ATRN: variants seen among roughly 807,000 people sequenced by gnomAD.
ATRN encodes attractin-2.
A neutral mutation model predicts 178.7 loss-of-function variants in ATRN; 54 were observed. The ratio of observed to expected loss-of-function variants is 0.30; its 90% CI spans 0.24 to 0.38. The LOEUF is 0.38. Among genes scored for constraint, ATRN ranks in the 10% least tolerant of loss-of-function variants. ATRN has a pLI of 1.00. For missense variants in ATRN, 1,443 were observed against 1,815.1 expected (o/e 0.79, Z 3.73); for synonymous variants, 636 against 663.0 (o/e 0.96, Z 0.63).
chr20:3,486,119 T>C lies in ATRN; in HGVS notation c.410+14602T>C, dbSNP rs544625280. On this transcript the variant is annotated intron_variant, in intron 1 of 28. Coordinates refer to ENST00000262919, the MANE Select transcript of ATRN (RefSeq NM_139321.3). ...ATTACTGATGTTTCAAAGTCAGCTG[T>C]CAGTCTAATTCATTCATAGGTAATT... 5.3e-5 allele frequency among the ~76,000 whole-genome samples: 8 copies of C among 152,360 alleles called. No individual in the cohort carries two copies. In the South Asian group the frequency reaches 1.7e-3, roughly 32 times the overall value.
Position 3,549,190 on chromosome 20 carries a change from G to A in ATRN, c.964G>A (p.Val322Ile), listed in dbSNP as rs1248191032. The A allele has an allele frequency of 6.2e-7, 1 of 1,608,904 alleles. No homozygotes were observed. The highest frequency in any genetic ancestry group is 8.5e-7 in the Non-Finnish European group (1 of 1,178,372). ...ATTAGGTCCTGGATGTTCAGTTCCT[G>A]TACCAGCTAACCAGTCATTTTGGAC... ...DWQGPGCSVP[V>I]PANQSFWTRE... Residue 322 changes from valine (V) to isoleucine (I), a missense_variant, in exon 6 of 29, where the codon GTA becomes ATA. Val to Ile is a conservative substitution (Grantham distance 29). Coordinates refer to ENST00000262919, the MANE Select transcript of ATRN (RefSeq NM_139321.3).
intron 15 of ATRN, 74 bp downstream of exon 15, chr20:3,578,846 G>A: frequency 7.3e-7 from 1 of 1,369,272 alleles, no homozygotes; most frequent in African/African-American, 1.4e-5. Flanking sequence ...CAGCTTGCAT[G>A]TGGAAGGCTG....
At chr20:3,633,090 G>A (rs1045352437) in intron 25 of ATRN, among the ~76,000 whole-genome samples, 2 of 152,122 alleles carry the variant, frequency 1.3e-5, no homozygotes, top group African/African-American at 4.8e-5. Flanking sequence ...AGCTGAGATC[G>A]TGCCACTGCA....
intron 1 of ATRN, among the ~76,000 whole-genome samples, chr20:3,503,003 G>A (rs766208022): frequency 6.6e-6 from 1 of 152,092 alleles, no homozygotes; most frequent in Non-Finnish European, 1.5e-5. Flanking sequence ...GTGATACTGG[G>A]GAAGCTAGGA....
chr20:3,498,056 C>T (rs2084905940), intron 1 of ATRN, among the ~76,000 whole-genome samples: 1 of 152,190 alleles, frequency 6.6e-6, no homozygotes, highest in Admixed American at 6.5e-5. Flanking sequence ...ACAAACACCT[C>T]TACGCAAATA....
At chr20:3,497,296 G>A (rs2084893882) in intron 1 of ATRN, among the ~76,000 whole-genome samples, 1 of 151,440 alleles carries the variant, frequency 6.6e-6, no homozygotes, top group Non-Finnish European at 1.5e-5. Context: ...GCAGCGGCTG[G>A]TACCGGTTGT....
intron 1 of ATRN, among the ~76,000 whole-genome samples, chr20:3,486,079 T>C (rs1415217807): frequency 1.3e-5 from 2 of 152,254 alleles, no homozygotes; most frequent in Admixed American, 1.3e-4. Flanking sequence ...TTTTTTCCAA[T>C]GTCTTCTGAT....
At chr20:3,479,657 T>A (rs1268019406) in intron 1 of ATRN, among the ~76,000 whole-genome samples, 1 of 152,236 alleles carries the variant, frequency 6.6e-6, no homozygotes, top group Non-Finnish European at 1.5e-5. Flanking sequence ...CAGAAATTTA[T>A]TCTTTCATAG....
At position 3,493,084 on chromosome 20, in the gene ATRN, AATAT is replaced by A. The variant is rs201837906; in HGVS notation, c.410+21573_410+21576del. 3.2e-3 allele frequency among the ~76,000 whole-genome samples: 458 copies of A among 143,578 alleles called. 4 individuals carry two copies. Among genetic ancestry groups the A allele is most frequent in the African/African-American group, 0.011 (441 of 39,194 alleles). The allele number at this position is 143,578 out of a possible 152,430, so 94.2% of individuals were successfully genotyped here. A position where few individuals can be genotyped will look rare whatever the true frequency, so the allele number is the denominator to read the frequency against. The stretch of plus-strand genomic sequence containing the variant: ...ATAGATTATATATTATATATAATTT[AATAT>A]ATATAATATATATACATATGTAGGT... On this transcript the variant is annotated intron_variant, in intron 1 of 28. Transcript: ENST00000262919.
intron 1 of ATRN, among the ~76,000 whole-genome samples, chr20:3,474,697 A>G (rs1028526440): frequency 2.6e-5 from 4 of 151,122 alleles, no homozygotes; most frequent in Non-Finnish European, 5.9e-5. Context: ...ACAGAGCGAG[A>G]GTCCATCTCA....
At position 3,490,701 on chromosome 20, in the gene ATRN, A is replaced by C. The variant is rs567746992; in HGVS notation, c.410+19184A>C. On this transcript the variant is annotated intron_variant, in intron 1 of 28. Transcript: ENST00000262919. ...CAGGAGCTCCTCAAATTTCACTGAC[A>C]TTGGCACACAGATCTCATTTGGGTG... The C allele has an allele frequency of 1.2e-5, 10 of 802,186 alleles. No individual in the cohort carries two copies. The East Asian group carries it at 2.4e-4, about 19-fold the overall frequency. 49.7% of individuals were successfully genotyped at this position (802,186 alleles called of 1,614,324 possible).
rs373043009 is a variant in ATRN, at chr20:3,563,840, T to C, written c.1786+477T>C. Among the ~76,000 whole-genome samples the C allele has an allele frequency of 3.9e-5, 6 of 152,258 alleles. No individual in the cohort carries two copies. The East Asian group carries it at 9.6e-4, about 24-fold the overall frequency. On this transcript the variant is annotated intron_variant, in intron 10 of 28. Transcript: ENST00000262919. ...TTTCATAAAAATTGTCAGATGTTCA[T>C]TTTAAACAAATTATTATTTTTTTGA...
chr20:3,489,679 C>T, intron 1 of ATRN: 2 of 1,564,410 alleles, frequency 1.3e-6, no homozygotes, highest in Non-Finnish European at 1.8e-6. Flanking sequence ...ACAGCATCTT[C>T]AATCTGCGTC....
rs548015997 is a variant in ATRN at position 3,590,757 on chromosome 20, T to G, written c.3185-412T>G. 2.0e-5 allele frequency among the ~76,000 whole-genome samples: 3 copies of G among 152,326 alleles called. No individual in the cohort carries two copies. The South Asian group carries it at 6.2e-4, about 32-fold the overall frequency. ...AAGTTAAGAAAGGTGAATATTAATA[T>G]GAACATAATTGTGCAAATTATGTTC... On this transcript the variant is annotated intron_variant, in intron 18 of 28. Transcript: ENST00000262919.
At chr20:3,520,230 A>G (rs79534632) in intron 1 of ATRN, among the ~76,000 whole-genome samples, 6,060 of 152,232 alleles carry the variant, frequency 0.04, 158 homozygotes, top group Non-Finnish European at 0.057. Context: ...AAATGTGCCA[A>G]AGGTGTCATA....
intron 6 of ATRN, among the ~76,000 whole-genome samples, chr20:3,550,166 A>G (rs527873584): frequency 6.6e-6 from 1 of 152,308 alleles, no homozygotes; most frequent in Non-Finnish European, 1.5e-5. Context: ...CATCTCTACT[A>G]AAAATACAAA....
intron 24 of ATRN, among the ~76,000 whole-genome samples, chr20:3,621,959 T>A (rs2086900442): frequency 6.6e-6 from 1 of 152,232 alleles, no homozygotes; most frequent in South Asian, 2.1e-4. Flanking sequence ...TAAGTGCCAA[T>A]TAATGTATCA....
intron 18 of ATRN, among the ~76,000 whole-genome samples, chr20:3,585,990 C>T (rs561847638): frequency 6.6e-6 from 1 of 152,256 alleles, no homozygotes; most frequent in Admixed American, 6.5e-5. Flanking sequence ...TGCAGGTTGG[C>T]AGGTCCTCAA....
chr20:3,547,170 C>A lies in ATRN; in HGVS notation c.738-114C>A, dbSNP rs1365832754. 4.7e-6 allele frequency: 4 copies of A among 844,002 alleles called. No individual in the cohort carries two copies. The African/African-American group carries it at 5.0e-5, about 11-fold the overall frequency. 52.3% of individuals were successfully genotyped at this position (844,002 alleles called of 1,614,324 possible). A position where few individuals can be genotyped will look rare whatever the true frequency, so the allele number is the denominator to read the frequency against. ...ACTGAATCCTTAAGTACTGCAGTTA[C>A]ACTTGTGAATGAACTGAGACAGTGA... On this transcript the variant is annotated intron_variant, in intron 4 of 28. Coordinates refer to ENST00000262919, the MANE Select transcript of ATRN (RefSeq NM_139321.3).
Sources: gnomAD v4.1 joint callset for allele counts (sites outside exome capture counted in the v4.1 genomes callset) on GRCh38, gnomAD v4.1.1 for gene constraint, MANE v1.5 for transcripts, NCBI Gene and HGNC (gene_info 2026-07-23, HGNC 2026-07-21) for gene names.